FSTL4: variants seen among roughly 807,000 people sequenced by gnomAD.
FSTL4 encodes follistatin-related protein 4.
In FSTL4, 28 loss-of-function variants were observed where a neutral mutation model predicts 78.2. The ratio of observed to expected loss-of-function variants is 0.36; its 90% CI spans 0.27 to 0.49. The LOEUF (loss-of-function observed/expected upper bound fraction) is 0.49, where lower values mean the gene tolerates loss of function less well. FSTL4 is among the 20% of genes least tolerant of loss of function. FSTL4 has a pLI of 0.98. For missense variants in FSTL4, 922 were observed against 1,084.9 expected, an observed-to-expected ratio of 0.85 and a Z score of 2.11; for synonymous variants, 422 against 440.5, an observed-to-expected ratio of 0.96 and a Z score of 0.53.
chr5:133,650,396 T>A, the FSTL4 span, among the ~76,000 whole-genome samples: 2 of 152,222 alleles, frequency 1.3e-5, no homozygotes, highest in African/African-American at 4.8e-5. Context: ...CATCTAGATT[T>A]TTTCATATGT....
the FSTL4 span, among the ~76,000 whole-genome samples, chr5:133,744,016 G>A: frequency 6.6e-6 from 1 of 152,230 alleles, no homozygotes; most frequent in Non-Finnish European, 1.5e-5. Context: ...GCCAGCGGAG[G>A]CCCATCTAGG....
chr5:133,307,104 TGTCC>T (rs1753674160), intron 6 of FSTL4, among the ~76,000 whole-genome samples: 1 of 152,208 alleles, frequency 6.6e-6, no homozygotes, highest in Non-Finnish European at 1.5e-5. Context: ...GGTAGGGAAC[TGTCC>T]AAAGTCACAC....
chr5:133,205,554 C>G (rs191548882), intron 14 of FSTL4, among the ~76,000 whole-genome samples: 1 of 152,256 alleles, frequency 6.6e-6, no homozygotes, highest in Admixed American at 6.5e-5. Flanking sequence ...GTAACCAAAA[C>G]CAATTCTTCA....
intron 3 of FSTL4, among the ~76,000 whole-genome samples, chr5:133,535,015 T>G (rs1485050035): frequency 6.6e-6 from 1 of 152,206 alleles, no homozygotes; most frequent in Non-Finnish European, 1.5e-5. Context: ...CATTAAGACT[T>G]TCAAGAAGGT....
the FSTL4 span, among the ~76,000 whole-genome samples, chr5:133,816,618 T>G: frequency 1.3e-5 from 2 of 152,260 alleles, no homozygotes; most frequent in East Asian, 1.9e-4. Context: ...AGCGAGCAAG[T>G]GCTGAGAGGT....
chr5:133,699,897 A>C, the FSTL4 span, among the ~76,000 whole-genome samples: 2 of 151,488 alleles, frequency 1.3e-5, no homozygotes, highest in Admixed American at 6.6e-5. Flanking sequence ...AAAAAAAAAA[A>C]AAAACAACCC....
chr5:133,202,033 C>T lies in FSTL4; in HGVS notation c.1726G>A (p.Glu576Lys). 1 of 1,605,506 alleles carries T rather than the reference C, an allele frequency of 6.2e-7. No individual in the cohort carries two copies. The highest frequency in any genetic ancestry group is 1.7e-4 in the Middle Eastern group (1 of 6,030). ...KSRPSLQVIT[E>K]ASTGQSQHLI... ...TGCTGGCTCTGGCCGGTGCTGGCTTCTGTGATCACCTACAACACAGAGTGG... is the reference window on the plus strand; with the variant it reads ...TGCTGGCTCTGGCCGGTGCTGGCTTTTGTGATCACCTACAACACAGAGTGG... Residue 576 changes from glutamate (E) to lysine (K), a missense_variant, in exon 15 of 16, where the codon GAA (glutamate) becomes AAA (lysine). By Grantham distance (56) the Glu-to-Lys change is moderately conservative. Transcript: ENST00000265342.
At chr5:133,500,192 A>T (rs1029615440) in intron 3 of FSTL4, among the ~76,000 whole-genome samples, 2 of 152,048 alleles carry the variant, frequency 1.3e-5, no homozygotes, top group Admixed American at 6.5e-5. Context: ...AAGTCTTTAC[A>T]CTTTCATTTC....
At chr5:133,815,929 GACACTCCA>G in the FSTL4 span, among the ~76,000 whole-genome samples, 1 of 152,130 alleles carries the variant, frequency 6.6e-6, no homozygotes, top group Non-Finnish European at 1.5e-5. Context: ...GACCAACAAA[GACACTCCA>G]GCCTGACATT....
intron 3 of FSTL4, among the ~76,000 whole-genome samples, chr5:133,410,991 G>C (rs932483479): frequency 1.3e-5 from 2 of 152,200 alleles, no homozygotes; most frequent in Non-Finnish European, 2.9e-5. Context: ...TGAGGGTTCT[G>C]GGAAGCTGGC....
intron 4 of FSTL4, among the ~76,000 whole-genome samples, chr5:133,386,327 T>C (rs1457962476): frequency 6.6e-6 from 1 of 152,218 alleles, no homozygotes; most frequent in Non-Finnish European, 1.5e-5. Context: ...CAGCAGAGTC[T>C]CCGTGGGGCT....
the FSTL4 span, among the ~76,000 whole-genome samples, chr5:133,640,066 G>T: frequency 5.3e-5 from 8 of 152,216 alleles, no homozygotes; most frequent in African/African-American, 1.9e-4. Context: ...TAGGCATGGT[G>T]CAATGACAGA....
At chr5:133,637,918 G>A in the FSTL4 span, among the ~76,000 whole-genome samples, 1 of 150,792 alleles carries the variant, frequency 6.6e-6, no homozygotes, top group East Asian at 2.0e-4. Context: ...TCCAGCCTGG[G>A]TGACAGAGTA....
chr5:133,261,491 C>T (rs539206965), intron 6 of FSTL4, among the ~76,000 whole-genome samples: 2 of 152,312 alleles, frequency 1.3e-5, no homozygotes, highest in African/African-American at 4.8e-5. Flanking sequence ...AGGTTGGACA[C>T]GCCTTGTTAT....
intron 2 of FSTL4, among the ~76,000 whole-genome samples, chr5:133,571,288 T>TA (rs533852797): frequency 1.1e-3 from 163 of 152,332 alleles, no homozygotes; most frequent in African/African-American, 3.8e-3. Flanking sequence ...TCCAGGACTC[T>TA]ATCTGTCTAA....
intron 3 of FSTL4, among the ~76,000 whole-genome samples, chr5:133,564,669 A>T (rs1324319553): frequency 6.6e-6 from 1 of 152,024 alleles, no homozygotes; most frequent in Non-Finnish European, 1.5e-5. Flanking sequence ...GTTGGAAAGG[A>T]TGAAGGGGAG....
chr5:133,829,099 G>A, the FSTL4 span, among the ~76,000 whole-genome samples: 1 of 152,148 alleles, frequency 6.6e-6, no homozygotes, highest in African/African-American at 2.4e-5. Context: ...TCCAAGAAAA[G>A]GCTCAAACAG....
At chr5:133,649,881 C>A in the FSTL4 span, among the ~76,000 whole-genome samples, 1 of 151,728 alleles carries the variant, frequency 6.6e-6, no homozygotes, top group African/African-American at 2.4e-5. Context: ...TATTTTAGTC[C>A]ATTTTGTGTT....
intron 13 of FSTL4, 30 bp downstream of exon 13, chr5:133,217,199 A>C: frequency 6.3e-7 from 1 of 1,585,052 alleles, no homozygotes; most frequent in Non-Finnish European, 8.6e-7. Flanking sequence ...CAGAATTTGA[A>C]GTTTTCCTCA....
Sources: allele counts gnomAD v4.1 joint callset (sites outside exome capture counted in the v4.1 genomes callset), GRCh38; gene constraint gnomAD v4.1.1; transcripts MANE v1.5; gene names NCBI Gene and HGNC (gene_info 2026-07-23, HGNC 2026-07-21).